Variants in PITPNM2 observed in about 807,000 individuals in gnomAD.
The protein encoded by PITPNM2 is phosphatidylinositol transfer protein membrane associated 2.
In PITPNM2, 35 loss-of-function variants were observed where a neutral mutation model predicts 132.2. The observed-to-expected ratio is 0.26, with a 90% confidence interval of 0.20 to 0.35. PITPNM2 has a LOEUF of 0.35. PITPNM2 is among the 10% of genes least tolerant of loss of function. The pLI is 1.00. For missense variants in PITPNM2, 1,332 were observed against 1,912.0 expected (o/e 0.70, Z 5.66); for synonymous variants, 738 against 799.2 (o/e 0.92, Z 1.29).
chr12:122,991,770 G>A (rs764686383), intron 16 of PITPNM2: 2 of 1,297,972 alleles, frequency 1.5e-6, no homozygotes, highest in East Asian at 2.8e-5. Context: ...GCACAGCCCG[G>A]GCGGGGCCCG....
chr12:123,133,172 A>C (rs1282573829), intron 1 of PITPNM2, among the ~76,000 whole-genome samples: 2 of 152,202 alleles, frequency 1.3e-5, no homozygotes, highest in African/African-American at 4.8e-5. Flanking sequence ...TGACATTCCC[A>C]CCAGTAACAC....
chr12:123,043,864 C>A (rs1240388122), intron 2 of PITPNM2, among the ~76,000 whole-genome samples: 3 of 152,160 alleles, frequency 2.0e-5, no homozygotes, highest in Non-Finnish European at 4.4e-5. Context: ...GCATGGCAAC[C>A]TCAGTTGGGT....
At position 122,986,094 on chromosome 12, in the gene PITPNM2, G is replaced by A. The variant is rs1464907172; in HGVS notation, c.3983C>T (p.Ala1328Val). The A allele has an allele frequency of 6.9e-7, 1 of 1,451,468 alleles. No homozygotes were observed. Among genetic ancestry groups the A allele is most frequent in the Non-Finnish European group, 9.0e-7 (1 of 1,111,818 alleles). 89.9% of individuals were successfully genotyped at this position (1,451,468 alleles called of 1,614,324 possible). The change falls in exon 26 of 26, where the codon GCG becomes GTG. Residue 1328 changes from alanine to valine, a missense_variant. Ala to Val is a moderately conservative substitution (Grantham distance 64). Around this residue, in one of 6 missense-constraint regions of PITPNM2, gnomAD observed 163 missense variants for 177.2 expected, o/e 0.92. Coordinates refer to ENST00000320201, the MANE Select transcript of PITPNM2 (RefSeq NM_020845.3). ...EQRGQRSMSV[A>V]AGCWGRAMTG... ...CATGGCGCGGCCCCAGCAGCCGGCC[G>A]CCACACTCATGCTGCGCTGGCCCCG... is the stretch of plus-strand genomic sequence containing the variant.
At chr12:123,142,025 T>C (rs950828965) in intron 1 of PITPNM2, among the ~76,000 whole-genome samples, 10 of 152,094 alleles carry the variant, frequency 6.6e-5, no homozygotes, top group African/African-American at 2.2e-4. Flanking sequence ...GGAGGAATAA[T>C]TGAAGTAAAA....
intron 1 of PITPNM2, among the ~76,000 whole-genome samples, chr12:123,137,280 C>T (rs1244500579): frequency 1.3e-5 from 2 of 152,160 alleles, no homozygotes; most frequent in East Asian, 1.9e-4. Context: ...GGACACATAC[C>T]TGCCACCTTT....
At chr12:123,121,791 C>A (rs956240383) in intron 1 of PITPNM2, among the ~76,000 whole-genome samples, 1 of 151,944 alleles carries the variant, frequency 6.6e-6, no homozygotes, top group Admixed American at 6.6e-5. Context: ...GCAATCCTCC[C>A]GCCTCTGCCT....
Position 122,988,721 on chromosome 12 carries a change from T to G in PITPNM2, c.2880+3A>C. The G allele has an allele frequency of 6.4e-7, 1 of 1,556,778 alleles. No homozygotes were observed. Among genetic ancestry groups the G allele is most frequent in the Middle Eastern group, 1.7e-4 (1 of 5,860 alleles). ...CTCCTGGGAGGTCCCAGGCCCCGGG[T>G]ACCTGTCTCAGCAGAAAGGAGACCA... is the stretch of plus-strand genomic sequence containing the variant. On this transcript the variant is annotated splice_donor_region_variant and intron_variant, in intron 19 of 25. Coordinates refer to ENST00000320201, the MANE Select transcript of PITPNM2 (RefSeq NM_020845.3).
chr12:122,984,951 T>G lies in PITPNM2; in HGVS notation c.*1076A>C, dbSNP rs534379258. On this transcript the variant is annotated 3_prime_UTR_variant, in exon 26 of 26. Transcript: ENST00000320201. ...GAAGCTGACAAAGCAAGTTGTGGCT[T>G]CTTAGATTCGGCATGAAAACGGAAT... is the stretch of plus-strand genomic sequence containing the variant. 16 of 152,180 alleles carry G rather than the reference T, an allele frequency of 1.1e-4. No individual in the cohort carries two copies. Among genetic ancestry groups the G allele is most frequent in the African/African-American group, 3.1e-4 (13 of 41,414 alleles). 9.4% of individuals were successfully genotyped at this position (152,180 alleles called of 1,614,324 possible). A position where few individuals can be genotyped will look rare whatever the true frequency, so the allele number is the denominator to read the frequency against.
intron 2 of PITPNM2, 78 bp from the exon 3 acceptor site, chr12:123,034,763 C>T (rs777998484): frequency 1.5e-4 from 88 of 595,686 alleles, no homozygotes; most frequent in African/African-American, 2.6e-4. Flanking sequence ...AGGAAAGGCC[C>T]GGTCTACACC....
Position 123,099,496 on chromosome 12 carries a change from C to A in PITPNM2, c.-96+10889G>T, listed in dbSNP as rs1256184118. Among the ~76,000 whole-genome samples, 1 of 152,214 alleles carries A rather than the reference C, an allele frequency of 6.6e-6. No homozygotes were observed. The highest frequency in any genetic ancestry group is 2.1e-4 in the South Asian group (1 of 4,836). The stretch of plus-strand genomic sequence containing the variant: ...GAAGCCCTGGGGGCTCTGGGCCCTA[C>A]CTGCAGCACTGGCAGACTTCCCACA... On this transcript the variant is annotated intron_variant, in intron 2 of 25. Transcript: ENST00000320201. This position sits in a 1 kb window ranked among gnomAD's most constrained non-coding sequence, Gnocchi z 4.2.
At position 122,985,891 on chromosome 12, in the gene PITPNM2, G is replaced by A; in HGVS notation, c.*136C>T. The A allele has an allele frequency of 1.2e-6, 1 of 814,922 alleles. No individual in the cohort carries two copies. The highest frequency in any genetic ancestry group is 1.7e-6 in the Non-Finnish European group (1 of 579,222). The allele number at this position is 814,922 out of a possible 1,614,324, so 50.5% of individuals were successfully genotyped here. A position where few individuals can be genotyped will look rare whatever the true frequency, so the allele number is the denominator to read the frequency against. On this transcript the variant is annotated 3_prime_UTR_variant, in exon 26 of 26. Coordinates refer to ENST00000320201, the MANE Select transcript of PITPNM2 (RefSeq NM_020845.3). ...GGCAGGGCAGGGAGCACTGTGTGGTGCGGCCCGTGTCCTCCACAAGGCCCT... is the reference window on the plus strand; with the variant it reads ...GGCAGGGCAGGGAGCACTGTGTGGTACGGCCCGTGTCCTCCACAAGGCCCT...
chr12:123,101,810 C>T (rs1394819159), intron 2 of PITPNM2, among the ~76,000 whole-genome samples: 1 of 152,174 alleles, frequency 6.6e-6, no homozygotes, highest in Non-Finnish European at 1.5e-5. Context: ...GTAATTCCAG[C>T]ACTTTGAGAG....
intron 3 of PITPNM2, chr12:123,021,707 CT>C: frequency 1.0e-6 from 1 of 985,204 alleles, no homozygotes; most frequent in South Asian, 4.7e-5. Context: ...CCAAGAGGGG[CT>C]CCCTCTCAGG....
In PITPNM2 at chr12:122,986,061, C is replaced by T. The variant is rs962255166; in HGVS notation, c.4016G>A (p.Arg1339His). 3 of 1,415,688 alleles carry T rather than the reference C, an allele frequency of 2.1e-6. No individual in the cohort carries two copies. The highest frequency in any genetic ancestry group is 2.9e-5 in the East Asian group (1 of 34,142). The allele number at this position is 1,415,688 out of a possible 1,614,324, so 87.7% of individuals were successfully genotyped here. A position where few individuals can be genotyped will look rare whatever the true frequency, so the allele number is the denominator to read the frequency against. Residue 1339 changes from arginine (R) to histidine (H), a missense_variant, in exon 26 of 26, where the codon CGC (arginine) becomes CAC (histidine). Coordinates refer to ENST00000320201, the MANE Select transcript of PITPNM2 (RefSeq NM_020845.3). ...AGCWGRAMTG[R>H]LEPGAAAGPK ...GCCCGCGGCTGCCCCCGGCTCCAGG[C>T]GGCCAGTCATGGCGCGGCCCCAGCA... is the stretch of plus-strand genomic sequence containing the variant.
At chr12:123,003,079 A>C (rs2038766606) in intron 8 of PITPNM2, among the ~76,000 whole-genome samples, 1 of 152,186 alleles carries the variant, frequency 6.6e-6, no homozygotes, top group African/African-American at 2.4e-5. Flanking sequence ...GCAGTGTCAC[A>C]GAACTAGAAC....
At chr12:123,018,647 C>T (rs2039542407) in intron 3 of PITPNM2, among the ~76,000 whole-genome samples, 1 of 152,080 alleles carries the variant, frequency 6.6e-6, no homozygotes, top group African/African-American at 2.4e-5. Context: ...TGGAGTCTCA[C>T]TATGTTGCCC....
chr12:123,055,924 T>C (rs79005954), intron 2 of PITPNM2, among the ~76,000 whole-genome samples: 7 of 152,054 alleles, frequency 4.6e-5, no homozygotes, highest in South Asian at 2.1e-4. Flanking sequence ...ACTTGCAAGA[T>C]GTTAGTGAAA....
chr12:123,145,157 CAG>C (rs1467389814), intron 1 of PITPNM2, among the ~76,000 whole-genome samples: 3 of 152,046 alleles, frequency 2.0e-5, no homozygotes, highest in East Asian at 3.8e-4. Context: ...GCCTGGGAGA[CAG>C]AGAGAGACCC....
At chr12:123,091,060 A>T (rs1037983008) in intron 2 of PITPNM2, 1 of 152,268 alleles carries the variant, frequency 6.6e-6, no homozygotes, top group Non-Finnish European at 1.5e-5. Flanking sequence ...GTGGTGCAGG[A>T]TTCAGCCACT....
Sources: gnomAD v4.1 joint callset for allele counts (sites outside exome capture counted in the v4.1 genomes callset) on GRCh38, gnomAD v4.1.1 for gene constraint, gnomAD v4.1.1 regional missense constraint, Gnocchi (gnomAD v3.1) non-coding constraint, MANE v1.5 for transcripts, NCBI Gene and HGNC (gene_info 2026-07-23, HGNC 2026-07-21) for gene names.